The following PREP variants were observed in gnomAD, a reference collection of about 807,000 sequenced individuals.
PREP encodes dJ355L5.1 (prolyl endopeptidase).
Under a neutral mutation model 87.6 loss-of-function variants are expected in PREP, and 29 were observed. The ratio of observed to expected loss-of-function variants is 0.33; its 90% confidence interval spans 0.25 to 0.45. PREP has a LOEUF of 0.45. Ranked by LOEUF, PREP falls within the 20% of genes least tolerant of loss-of-function variation. The pLI is 1.00. For missense variants in PREP, 695 were observed against 886.5 expected (o/e 0.78, Z 2.74); for synonymous variants, 337 against 328.6 (o/e 1.03, Z -0.28).
intron 10 of PREP, among the ~76,000 whole-genome samples, chr6:105,310,541 C>A (rs925399500): frequency 6.6e-6 from 1 of 152,192 alleles, no homozygotes; most frequent in Admixed American, 6.5e-5. Context: ...GCCTGCCACT[C>A]CCTCCTTTTA....
rs775918479 is a variant in PREP at position 105,275,965 on chromosome 6, T to C, written c.*2179A>G. On this transcript the variant is annotated 3_prime_UTR_variant, in exon 15 of 15. Transcript: ENST00000652536. Reference sequence around the variant, plus strand: ...GACCTAGTGTTAGATCAGTAGGGTGTCTATAGTTTACAATAATCTACTGTG... The same window carrying C: ...GACCTAGTGTTAGATCAGTAGGGTGCCTATAGTTTACAATAATCTACTGTG... Among the ~76,000 whole-genome samples the C allele has an allele frequency of 2.6e-5, 4 of 152,216 alleles. No individual in the cohort carries two copies. Among genetic ancestry groups the C allele is most frequent in the Non-Finnish European group, 4.4e-5 (3 of 68,034 alleles).
chr6:105,351,895 T>C (rs975495879), intron 7 of PREP, among the ~76,000 whole-genome samples: 3 of 152,160 alleles, frequency 2.0e-5, no homozygotes, highest in African/African-American at 4.8e-5. Context: ...TTTTATTAAA[T>C]GGATATATAT....
chr6:105,312,862 C>T (rs901029320), intron 10 of PREP, among the ~76,000 whole-genome samples: 10 of 151,884 alleles, frequency 6.6e-5, no homozygotes, highest in South Asian at 4.2e-4. Context: ...TATGGTGGTC[C>T]GGGGCTACGG....
intron 10 of PREP, among the ~76,000 whole-genome samples, chr6:105,309,451 G>A (rs1770715312): frequency 6.6e-6 from 1 of 152,124 alleles, no homozygotes; most frequent in African/African-American, 2.4e-5. Context: ...CCGGGTTCAA[G>A]CAATTCTCCT....
chr6:105,291,998 A>G (rs958010401), intron 10 of PREP, among the ~76,000 whole-genome samples: 5 of 152,200 alleles, frequency 3.3e-5, no homozygotes, highest in African/African-American at 9.6e-5. Context: ...GTTCAATCAC[A>G]TATGCAGGCT....
intron 6 of PREP, among the ~76,000 whole-genome samples, chr6:105,365,232 G>A (rs1291671400): frequency 1.3e-5 from 2 of 152,226 alleles, no homozygotes; most frequent in African/African-American, 4.8e-5. Context: ...GGGTGACAGA[G>A]TGGGATTCCA....
At chr6:105,285,270 C>A (rs574400735) in intron 12 of PREP, among the ~76,000 whole-genome samples, 1 of 152,286 alleles carries the variant, frequency 6.6e-6, no homozygotes, top group Non-Finnish European at 1.5e-5. Context: ...ATATGTACTT[C>A]ATCTATTTAT....
intron 10 of PREP, among the ~76,000 whole-genome samples, chr6:105,320,812 G>T (rs1770986068): frequency 6.6e-6 from 1 of 152,126 alleles, no homozygotes; most frequent in Non-Finnish European, 1.5e-5. Context: ...AAAATAAAAT[G>T]TAATAGAAGC....
At chr6:105,386,353 G>A (rs1009586138) in intron 2 of PREP, among the ~76,000 whole-genome samples, 3 of 152,278 alleles carry the variant, frequency 2.0e-5, no homozygotes, top group African/African-American at 2.4e-5. Flanking sequence ...TGAACATCTA[G>A]CTCAGTGGCA....
chr6:105,304,155 T>G (rs1174298762), intron 10 of PREP, among the ~76,000 whole-genome samples: 1 of 152,146 alleles, frequency 6.6e-6, no homozygotes, highest in Non-Finnish European at 1.5e-5. Context: ...AATAAAAAAT[T>G]TAAAGAACAG....
intron 10 of PREP, among the ~76,000 whole-genome samples, chr6:105,308,687 G>A (rs1042375068): frequency 1.3e-5 from 2 of 152,068 alleles, no homozygotes; most frequent in Admixed American, 6.5e-5. Flanking sequence ...CACTTTTATA[G>A]GTTTCTGGCA....
chr6:105,359,605 A>G (rs553161938), intron 6 of PREP, among the ~76,000 whole-genome samples: 2 of 152,290 alleles, frequency 1.3e-5, no homozygotes, highest in East Asian at 3.9e-4. Flanking sequence ...GCTGCCCTCT[A>G]GGGCTGAAGC....
At chr6:105,290,909 GTTTC>G (rs1374018933) in intron 10 of PREP, among the ~76,000 whole-genome samples, 1 of 152,152 alleles carries the variant, frequency 6.6e-6, no homozygotes, top group Non-Finnish European at 1.5e-5. Context: ...CTTACAAGAA[GTTTC>G]TTTATTTTAG....
chr6:105,330,170 C>T (rs1472408859), intron 8 of PREP, among the ~76,000 whole-genome samples: 1 of 152,202 alleles, frequency 6.6e-6, no homozygotes, highest in Non-Finnish European at 1.5e-5. Flanking sequence ...AGTTTAGTTA[C>T]CTGTGACTGT....
chr6:105,302,227 T>C (rs1375940167), intron 10 of PREP, among the ~76,000 whole-genome samples: 2 of 152,220 alleles, frequency 1.3e-5, no homozygotes, highest in East Asian at 1.9e-4. Context: ...GAAACTGCCC[T>C]GTAACATGGC....
intron 12 of PREP, 140 bp downstream of exon 12, chr6:105,285,346 G>A (rs1311131241): frequency 2.9e-6 from 2 of 695,522 alleles, no homozygotes; most frequent in African/African-American, 3.5e-5. Context: ...GCCTGTGTCT[G>A]ATAATATCCT....
intron 12 of PREP, among the ~76,000 whole-genome samples, chr6:105,285,174 C>T (rs1014814431): frequency 7.9e-5 from 12 of 152,106 alleles, no homozygotes; most frequent in African/African-American, 2.9e-4. Context: ...AAAAGCTCTC[C>T]GAGATTCACT....
In PREP at chr6:105,396,019, C is replaced by T. The variant is rs904868365; in HGVS notation, c.120+1834G>A. 2.6e-5 allele frequency among the ~76,000 whole-genome samples: 4 copies of T among 152,152 alleles called. No individual in the cohort carries two copies. The East Asian group carries it at 5.8e-4, about 22-fold the overall frequency. ...GGCAGGGATGAAGTGGGGAGGTAAC[C>T]CCACACCTGTTCTCTGTCCCCTCAG... On this transcript the variant is annotated intron_variant, in intron 2 of 14. Transcript: ENST00000652536.
At chr6:105,317,107 G>A (rs977655450) in intron 10 of PREP, among the ~76,000 whole-genome samples, 118 of 151,438 alleles carry the variant, frequency 7.8e-4, no homozygotes, top group African/African-American at 2.8e-3. Context: ...CACCGTGCCT[G>A]GCTAATTAAA....
Sources: allele counts gnomAD v4.1 joint callset (sites outside exome capture counted in the v4.1 genomes callset), GRCh38; gene constraint gnomAD v4.1.1; transcripts MANE v1.5; gene names NCBI Gene and HGNC (gene_info 2026-07-23, HGNC 2026-07-21).